Variants in TRAPPC14 observed in about 807,000 individuals in gnomAD.
TRAPPC14 encodes microtubule associated protein 11.
A neutral mutation model predicts 56.6 loss-of-function variants in TRAPPC14; 24 were observed. The ratio of observed to expected loss-of-function variants is 0.42; its 90% confidence interval spans 0.31 to 0.60. The LOEUF is 0.60. TRAPPC14 is among the 20% of genes least tolerant of loss of function. The pLI, the probability that TRAPPC14 is intolerant of heterozygous loss-of-function variation, is 0.14. For synonymous variants in TRAPPC14, 377 were observed against 347.0 expected, an observed-to-expected ratio of 1.09 and a Z score of -0.96; for missense variants, 615 against 790.3, an observed-to-expected ratio of 0.78 and a Z score of 2.66.
In TRAPPC14 at chr7:100,156,628, A is replaced by C. The variant is rs963450783; in HGVS notation, c.1076+6T>G. ...ACGCCACGATTCCTCCAGGATCCAC[A>C]CTCACCGGTAGTGGGTGTAGATGCT... On this transcript the variant is annotated splice_donor_region_variant and intron_variant, in intron 7 of 10. Coordinates refer to ENST00000316937, the MANE Select transcript of TRAPPC14 (RefSeq NM_018275.5). The C allele has an allele frequency of 1.9e-6, 3 of 1,611,580 alleles. No homozygotes were observed. The highest frequency in any genetic ancestry group is 2.5e-6 in the Non-Finnish European group (3 of 1,178,532).
intron 4 of TRAPPC14, 65 bp from the exon 5 acceptor site, chr7:100,157,279 A>G: frequency 6.2e-7 from 1 of 1,613,462 alleles, no homozygotes; most frequent in Non-Finnish European, 8.5e-7. Flanking sequence ...TTACCCAGAA[A>G]AAACCGGACC....
intron 9 of TRAPPC14, 52 bp downstream of exon 9, chr7:100,155,619 A>G: frequency 6.5e-7 from 1 of 1,533,166 alleles, no homozygotes; most frequent in Middle Eastern, 1.9e-4. Flanking sequence ...GCCTCCGTCC[A>G]CCCCAGCATT....
chr7:100,157,477 G>C lies in TRAPPC14; in HGVS notation c.638-18C>G, dbSNP rs377343380. ...CGTGCTCACTGCGGGAGGGGGTGGG[G>C]GCAAGAAGTGATGGTCTGGAGGCTG... On this transcript the variant is annotated intron_variant, in intron 3 of 10. Coordinates refer to ENST00000316937, the MANE Select transcript of TRAPPC14 (RefSeq NM_018275.5). The C allele has an allele frequency of 2.5e-6, 4 of 1,609,796 alleles. No individual in the cohort carries two copies. In the East Asian group the frequency reaches 8.9e-5, roughly 36 times the overall value.
In TRAPPC14 at chr7:100,154,439, A is replaced by G. The variant is rs550569963; in HGVS notation, c.*572T>C. ...TCATCCTTCTCCCTCCTGAACAGGC[A>G]TTTAATAGTCTTATTTCAGTTGGAA... is the stretch of plus-strand genomic sequence containing the variant. On this transcript the variant is annotated 3_prime_UTR_variant, in exon 11 of 11. Coordinates refer to ENST00000316937, the MANE Select transcript of TRAPPC14 (RefSeq NM_018275.5). 75 of 181,824 alleles carry G rather than the reference A, an allele frequency of 4.1e-4. No individual in the cohort carries two copies. Among genetic ancestry groups the G allele is most frequent in the Middle Eastern group, 2.7e-3 (1 of 374 alleles). 11.3% of individuals were successfully genotyped at this position (181,824 alleles called of 1,614,324 possible).
In TRAPPC14 at chr7:100,155,080, C is replaced by A. The variant is rs1209992534; in HGVS notation, c.1674G>T (p.Lys558Asn). ...CAATCTTGTCCAGAGACAACACAGC[C>A]TTGTCCGGGGGCAGGTAGAGGGGGC... ...VGRPLYLPPD[K>N]AVLSLDKIAK... Residue 558 changes from lysine (K) to asparagine (N), a missense_variant, in exon 11 of 11, where the codon AAG (lysine) becomes AAT (asparagine). Physicochemically the swap from Lys to Asn is moderately conservative, Grantham distance 94 (BLOSUM62 0). Coordinates refer to ENST00000316937, the MANE Select transcript of TRAPPC14 (RefSeq NM_018275.5). 1.9e-6 allele frequency: 3 copies of A among 1,614,084 alleles called. No individual in the cohort carries two copies. Among genetic ancestry groups the A allele is most frequent in the Non-Finnish European group, 1.7e-6 (2 of 1,179,932 alleles).
chr7:100,156,167 C>T (rs1439296145), intron 8 of TRAPPC14: 11 of 611,490 alleles, frequency 1.8e-5, no homozygotes, highest in Non-Finnish European at 2.6e-5. Flanking sequence ...GCTCCAGTGT[C>T]TATGCCCTGA....
Position 100,155,152 on chromosome 7 carries a change from C to T in TRAPPC14, c.1602G>A (p.Val534=), listed in dbSNP as rs1229728793. 4 of 1,611,510 alleles carry T rather than the reference C, an allele frequency of 2.5e-6. No homozygotes were observed. The highest frequency in any genetic ancestry group is 3.4e-6 in the Non-Finnish European group (4 of 1,178,766). The change falls in exon 11 of 11, where the codon GTG becomes GTA. Residue 534 remains valine, a synonymous_variant. Coordinates refer to ENST00000316937, the MANE Select transcript of TRAPPC14 (RefSeq NM_018275.5). ...GGGGCGTGATGGCTCTGCGCTCCAT[C>T]ACACTGCCCGACCTGGGGGAAGGCA... ...SRSHLMRSGS[V]MERRAITPPV... is the part of the protein sequence containing the mutation.
At position 100,158,649 on chromosome 7, in the gene TRAPPC14, C is replaced by T. The variant is rs1798938928; in HGVS notation, c.-150G>A. ...GACCGGCCCGGTCCCGGCACCGGGGCAACGAACCCGAACCGAGACCCGGCA... is the reference window on the plus strand; with the variant it reads ...GACCGGCCCGGTCCCGGCACCGGGGTAACGAACCCGAACCGAGACCCGGCA... On this transcript the variant is annotated 5_prime_UTR_variant, in exon 1 of 11. Coordinates refer to ENST00000316937, the MANE Select transcript of TRAPPC14 (RefSeq NM_018275.5). 1 of 738,410 alleles carries T rather than the reference C, an allele frequency of 1.4e-6. No homozygotes were observed. The allele number at this position is 738,410 out of a possible 1,614,324, so 45.7% of individuals were successfully genotyped here.
intron 3 of TRAPPC14, 57 bp from the exon 4 acceptor site, chr7:100,157,516 C>T (rs1427725690): frequency 2.5e-6 from 4 of 1,605,906 alleles, no homozygotes; most frequent in Non-Finnish European, 3.4e-6. Flanking sequence ...TCACCTCCAA[C>T]CCAGAATTCT....
rs369194304 is a variant in TRAPPC14, at chr7:100,155,230, C to T, written c.1589+32G>A. On this transcript the variant is annotated intron_variant, in intron 10 of 10. Coordinates refer to ENST00000316937, the MANE Select transcript of TRAPPC14 (RefSeq NM_018275.5). ...CACCCTCGCTGCTCCCATCCTCTAC[C>T]CGGTCCCATGCCACGCCCCCTGGTT... 178 of 1,593,872 alleles carry T rather than the reference C, an allele frequency of 1.1e-4. 2 individuals carry two copies. The South Asian group carries it at 1.8e-3, about 16-fold the overall frequency.
At position 100,154,595 on chromosome 7, in the gene TRAPPC14, A is replaced by G. The variant is rs893150297; in HGVS notation, c.*416T>C. The G allele has an allele frequency of 4.4e-6, 1 of 226,984 alleles. No individual in the cohort carries two copies. The highest frequency in any genetic ancestry group is 2.3e-5 in the African/African-American group (1 of 42,584). The allele number at this position is 226,984 out of a possible 1,614,324, so 14.1% of individuals were successfully genotyped here. ...CCCCAACCCCTGAGACAGGAAGGTC[A>G]CTGTCAGGGGCCCTTAGCCATCACC... is the stretch of plus-strand genomic sequence containing the variant. On this transcript the variant is annotated 3_prime_UTR_variant, in exon 11 of 11. Transcript: ENST00000316937.
chr7:100,156,071 ACT>A (rs1798873831), intron 8 of TRAPPC14: 4 of 677,072 alleles, frequency 5.9e-6, no homozygotes, highest in African/African-American at 5.3e-5. Flanking sequence ...AAAGGTGAGG[ACT>A]CTGAGGCCCA....
rs1222779349 is a variant in TRAPPC14 at position 100,155,137 on chromosome 7, G to A, written c.1617C>T (p.Ala539=). 1.2e-6 allele frequency: 2 copies of A among 1,612,802 alleles called. No individual in the cohort carries two copies. Among genetic ancestry groups the A allele is most frequent in the Non-Finnish European group, 1.7e-6 (2 of 1,179,474 alleles). ...CAGGAGAGGCCACAGGGGGCGTGATGGCTCTGCGCTCCATCACACTGCCCG... is the reference window on the plus strand; with the variant it reads ...CAGGAGAGGCCACAGGGGGCGTGATAGCTCTGCGCTCCATCACACTGCCCG... ...MRSGSVMERR[A]ITPPVASPVG... is the part of the protein sequence containing the mutation. The change falls in exon 11 of 11, where the codon GCC becomes GCT. Residue 539 remains alanine (A), a synonymous_variant. Coordinates refer to ENST00000316937, the MANE Select transcript of TRAPPC14 (RefSeq NM_018275.5).
chr7:100,157,580 C>G (rs2116962246), intron 3 of TRAPPC14, 53 bp downstream of exon 3: 1 of 1,609,578 alleles, frequency 6.2e-7, no homozygotes, highest in African/African-American at 1.3e-5. Context: ...CCCCTCCCCT[C>G]TGTCCCCCAA....
chr7:100,156,789 T>G, intron 6 of TRAPPC14, 56 bp downstream of exon 6: 1 of 1,604,758 alleles, frequency 6.2e-7, no homozygotes, highest in East Asian at 2.2e-5. Flanking sequence ...CTGCCTGGTC[T>G]TTCCCTCCCA....
Position 100,157,992 on chromosome 7 carries a change from G to A in TRAPPC14, c.412-54C>T, listed in dbSNP as rs1798919938. On this transcript the variant is annotated intron_variant, in intron 1 of 10. Coordinates refer to ENST00000316937, the MANE Select transcript of TRAPPC14 (RefSeq NM_018275.5). Reference sequence around the variant, plus strand: ...AGGAGCAAGTCAGAGGCAGCCTGCAGCCTTTCCCTTTAAGACCGGCAGTTC... The same window carrying A: ...AGGAGCAAGTCAGAGGCAGCCTGCAACCTTTCCCTTTAAGACCGGCAGTTC... 4 of 1,478,196 alleles carry A rather than the reference G, an allele frequency of 2.7e-6. No homozygotes were observed. In the East Asian group the frequency reaches 9.4e-5, roughly 35 times the overall value. The allele number at this position is 1,478,196 out of a possible 1,614,324, so 91.6% of individuals were successfully genotyped here.
Position 100,156,054 on chromosome 7 carries a change from C to G in TRAPPC14, c.1241-229G>C, listed in dbSNP as rs941665328. 14 of 708,628 alleles carry G rather than the reference C, an allele frequency of 2.0e-5. No homozygotes were observed. The African/African-American group carries it at 2.4e-4, about 12-fold the overall frequency. The allele number at this position is 708,628 out of a possible 1,614,324, so 43.9% of individuals were successfully genotyped here. ...ACAGCCCCATCAGATATGAGTTGCT[C>G]TATTTTAAAGGTGAGGACTCTGAGG... On this transcript the variant is annotated intron_variant, in intron 8 of 10. Transcript: ENST00000316937.
Position 100,158,557 on chromosome 7 carries a change from C to A in TRAPPC14, c.-58G>T, listed in dbSNP as rs1798936995. The A allele has an allele frequency of 7.7e-7, 1 of 1,307,024 alleles. No homozygotes were observed. The highest frequency in any genetic ancestry group is 9.7e-7 in the Non-Finnish European group (1 of 1,030,200). The allele number at this position is 1,307,024 out of a possible 1,614,324, so 81.0% of individuals were successfully genotyped here. A position where few individuals can be genotyped will look rare whatever the true frequency, so the allele number is the denominator to read the frequency against. On this transcript the variant is annotated 5_prime_UTR_variant, in exon 1 of 11. Coordinates refer to ENST00000316937, the MANE Select transcript of TRAPPC14 (RefSeq NM_018275.5). ...GACCGGAGGCCGACCGCCGGCGGGGCCCGCTAGGGTGGGTCCAGAGGGTCC... is the reference window on the plus strand; with the variant it reads ...GACCGGAGGCCGACCGCCGGCGGGGACCGCTAGGGTGGGTCCAGAGGGTCC...
Position 100,155,087 on chromosome 7 carries a change from G to A in TRAPPC14, c.1667C>T (p.Pro556Leu), listed in dbSNP as rs764070325. 1 of 1,613,486 alleles carries A rather than the reference G, an allele frequency of 6.2e-7. No homozygotes were observed. The highest frequency in any genetic ancestry group is 8.5e-7 in the Non-Finnish European group (1 of 1,179,544). The change falls in exon 11 of 11, where the codon CCG becomes CTG. Residue 556 changes from proline (P) to leucine (L), a missense_variant. Pro to Leu is a moderately conservative substitution (Grantham distance 98). Transcript: ENST00000316937. Reference sequence around the variant, plus strand: ...GTCCAGAGACAACACAGCCTTGTCCGGGGGCAGGTAGAGGGGGCGGCCAAC... The same window carrying A: ...GTCCAGAGACAACACAGCCTTGTCCAGGGGCAGGTAGAGGGGGCGGCCAAC... ...SPVGRPLYLP[P>L]DKAVLSLDKI... is the part of the protein sequence containing the mutation.
Sources: gnomAD v4.1 joint callset for allele counts on GRCh38, gnomAD v4.1.1 for gene constraint, MANE v1.5 for transcripts, NCBI Gene and HGNC (gene_info 2026-07-23, HGNC 2026-07-21) for gene names.